CAPN13: variants seen among roughly 807,000 people sequenced by gnomAD.
CAPN13 encodes calpain-13.
In CAPN13, 90 loss-of-function variants were observed where a neutral mutation model predicts 98.4. That is an observed-to-expected ratio of 0.92 (90% CI 0.77 to 1.09). The LOEUF (loss-of-function observed/expected upper bound fraction) is 1.09. CAPN13 is among the 50% of genes least tolerant of loss of function. The pLI, the probability that CAPN13 is intolerant of heterozygous loss-of-function variation, is 0.00. For synonymous variants in CAPN13, 330 were observed against 305.5 expected, an observed-to-expected ratio of 1.08 and a Z score of -0.84; for missense variants, 887 against 841.3, an observed-to-expected ratio of 1.05 and a Z score of -0.67.
intron 8 of CAPN13, 94 bp from the exon 9 acceptor site, chr2:30,754,458 C>T: frequency 9.8e-7 from 1 of 1,024,266 alleles, no homozygotes; most frequent in Non-Finnish European, 1.4e-6. Context: ...TACATGTCAC[C>T]ATTCCTGGGG....
At chr2:30,777,720 A>C in intron 2 of CAPN13, 81 bp from the exon 3 acceptor site, 1 of 1,195,438 alleles carries the variant, frequency 8.4e-7, no homozygotes, top group Non-Finnish European at 1.2e-6. Context: ...TTGTCTTTCA[A>C]GGGTCGAGGT....
chr2:30,787,635 A>G (rs1674366148), intron 1 of CAPN13, among the ~76,000 whole-genome samples: 1 of 152,208 alleles, frequency 6.6e-6, no homozygotes, highest in African/African-American at 2.4e-5. Flanking sequence ...ACATTTATTG[A>G]GCACTGCCAG....
intron 3 of CAPN13, 53 bp from the exon 4 acceptor site, chr2:30,776,098 C>T (rs1266025770): frequency 8.2e-7 from 1 of 1,215,950 alleles, no homozygotes; most frequent in Non-Finnish European, 1.2e-6. Context: ...TGGAAACCCT[C>T]CCCCATAATT....
intron 1 of CAPN13, among the ~76,000 whole-genome samples, chr2:30,789,857 G>C (rs1473576960): frequency 6.6e-6 from 1 of 152,242 alleles, no homozygotes; most frequent in Non-Finnish European, 1.5e-5. Context: ...GGACAGGCTA[G>C]GCTCAGAGGG....
At chr2:30,803,663 C>T (rs1448254060) in intron 1 of CAPN13, among the ~76,000 whole-genome samples, 1 of 152,242 alleles carries the variant, frequency 6.6e-6, no homozygotes, top group Non-Finnish European at 1.5e-5. Flanking sequence ...ACATGGTACA[C>T]GTCCCATCTC....
rs548105887 is a variant in CAPN13, at chr2:30,732,359, G to C, written c.1927+79C>G. The C allele has an allele frequency of 1.0e-4, 161 of 1,572,006 alleles. No homozygotes were observed. In the South Asian group the frequency reaches 1.7e-3, roughly 17 times the overall value. On this transcript the variant is annotated intron_variant, in intron 20 of 22. Coordinates refer to ENST00000295055, the MANE Select transcript of CAPN13 (RefSeq NM_144575.3). ...CTGAGGCCTCACGCAGACCTGGGGT[G>C]GGGTAGGGGGTGTCCGGTCCTCTCC...
chr2:30,766,911 A>C (rs1249058935), intron 5 of CAPN13, among the ~76,000 whole-genome samples: 1 of 152,210 alleles, frequency 6.6e-6, no homozygotes, highest in African/African-American at 2.4e-5. Flanking sequence ...TTTAGAGTCC[A>C]TGTGTTCACT....
At chr2:30,742,430 C>T (rs1045331096) in intron 13 of CAPN13, 71 bp from the exon 14 acceptor site, 1 of 1,526,508 alleles carries the variant, frequency 6.6e-7, no homozygotes, top group Non-Finnish European at 8.9e-7. Flanking sequence ...ATATAGAGGG[C>T]ACCCAGGTGG....
intron 22 of CAPN13, among the ~76,000 whole-genome samples, chr2:30,725,521 G>T (rs1670830170): frequency 6.6e-6 from 1 of 152,318 alleles, no homozygotes; most frequent in East Asian, 1.9e-4. Context: ...ACACAGTTTT[G>T]TAGGGAGTGA....
At chr2:30,766,478 A>T (rs1673118182) in intron 5 of CAPN13, among the ~76,000 whole-genome samples, 1 of 152,206 alleles carries the variant, frequency 6.6e-6, no homozygotes, top group South Asian at 2.1e-4. Flanking sequence ...TGCTTTCTAA[A>T]CATGAGCTCA....
intron 2 of CAPN13, among the ~76,000 whole-genome samples, chr2:30,778,386 A>G (rs978984784): frequency 6.6e-6 from 1 of 152,194 alleles, no homozygotes; most frequent in African/African-American, 2.4e-5. Context: ...ATCCCCAGGC[A>G]CTTTGGGAGA....
At chr2:30,727,512 T>G (rs911169469) in intron 22 of CAPN13, among the ~76,000 whole-genome samples, 1 of 152,068 alleles carries the variant, frequency 6.6e-6, no homozygotes, top group South Asian at 2.1e-4. Flanking sequence ...AAGAACTAAA[T>G]GAACATTTCG....
intron 1 of CAPN13, among the ~76,000 whole-genome samples, chr2:30,788,977 G>T (rs987430439): frequency 1.3e-5 from 2 of 152,098 alleles, no homozygotes; most frequent in African/African-American, 2.4e-5. Flanking sequence ...AGTTTCATAG[G>T]GTTTAACCTA....
chr2:30,758,226 G>A, intron 7 of CAPN13, 89 bp from the exon 8 acceptor site: 2 of 954,152 alleles, frequency 2.1e-6, no homozygotes, highest in South Asian at 1.8e-5. Context: ...TACCTCCAAG[G>A]ACCAATTTAA....
chr2:30,758,122 C>T lies in CAPN13; in HGVS notation c.790G>A (p.Gly264Ser). ...TGAEQIQYRR[G>S]WEEIISLWNP... ...CACAGGGAGATAATTTCTTCCCAGC[C>T]CCTTCGGTATTGAATCTGTAAAGAA... is the stretch of plus-strand genomic sequence containing the variant. The change falls in exon 8 of 23, where the codon GGC (glycine) becomes AGC (serine). Residue 264 changes from glycine to serine, a missense_variant. Physicochemically the swap from Gly to Ser is moderately conservative, Grantham distance 56. Coordinates refer to ENST00000295055, the MANE Select transcript of CAPN13 (RefSeq NM_144575.3). 1 of 1,604,510 alleles carries T rather than the reference C, an allele frequency of 6.2e-7. No individual in the cohort carries two copies. Among genetic ancestry groups the T allele is most frequent in the Non-Finnish European group, 8.5e-7 (1 of 1,175,868 alleles).
At chr2:30,768,665 A>G (rs1481108012) in intron 5 of CAPN13, among the ~76,000 whole-genome samples, 2 of 131,214 alleles carry the variant, frequency 1.5e-5, no homozygotes, top group Non-Finnish European at 3.0e-5. Flanking sequence ...ATTTCATTTC[A>G]TGAACTTTCT....
chr2:30,793,530 G>A (rs1303452690), intron 1 of CAPN13, among the ~76,000 whole-genome samples: 1 of 151,488 alleles, frequency 6.6e-6, no homozygotes, highest in African/African-American at 2.4e-5. Context: ...TTTCTCTATA[G>A]GTTCAATACA....
intron 11 of CAPN13, among the ~76,000 whole-genome samples, chr2:30,746,182 C>T (rs1671902293): frequency 6.6e-6 from 1 of 152,134 alleles, no homozygotes; most frequent in South Asian, 2.1e-4. Flanking sequence ...TAGGCGTGAA[C>T]CACTGTGCCT....
At chr2:30,790,720 A>G (rs1423535461) in intron 1 of CAPN13, among the ~76,000 whole-genome samples, 24 of 152,198 alleles carry the variant, frequency 1.6e-4, no homozygotes, top group Admixed American at 1.6e-3. Flanking sequence ...TTGCAGTCAG[A>G]CCTTGGTGAT....
Sources: allele counts gnomAD v4.1 joint callset (sites outside exome capture counted in the v4.1 genomes callset), GRCh38; gene constraint gnomAD v4.1.1; transcripts MANE v1.5; gene names NCBI Gene and HGNC (gene_info 2026-07-23, HGNC 2026-07-21).